Variants in CDH4 observed in about 807,000 individuals in gnomAD.
The protein encoded by CDH4 is cadherin 4, also known as cadherin-4.
Under a neutral mutation model 86.0 loss-of-function variants are expected in CDH4, and 33 were observed. That is an observed-to-expected ratio of 0.38 (90% confidence interval 0.29 to 0.51). CDH4 has a LOEUF of 0.51. Ranked by LOEUF, CDH4 falls within the 20% of genes least tolerant of loss-of-function variation. The pLI, the probability that CDH4 is intolerant of heterozygous loss-of-function variation, is 0.86. For synonymous variants in CDH4, 555 were observed against 549.4 expected, an observed-to-expected ratio of 1.01 and a Z score of -0.14; for missense variants, 1,114 against 1,307.4, an observed-to-expected ratio of 0.85 and a Z score of 2.28.
At chr20:61,884,422 G>A (rs1247839071) in intron 7 of CDH4, among the ~76,000 whole-genome samples, 2 of 152,226 alleles carry the variant, frequency 1.3e-5, no homozygotes, top group Admixed American at 1.3e-4. Flanking sequence ...AGCCAGAAGT[G>A]GTGAGGGAGA....
intron 4 of CDH4, among the ~76,000 whole-genome samples, chr20:61,838,914 T>C (rs1343595858): frequency 6.6e-6 from 1 of 151,696 alleles, no homozygotes; most frequent in Non-Finnish European, 1.5e-5. Context: ...CAAGTCCGCC[T>C]GCCTGGGTCC....
intron 2 of CDH4, among the ~76,000 whole-genome samples, chr20:61,556,348 A>G (rs1366586420): frequency 6.6e-6 from 1 of 152,110 alleles, no homozygotes; most frequent in Non-Finnish European, 1.5e-5. Flanking sequence ...GAAAGAAATC[A>G]TGGAGAGAGA....
At chr20:61,286,327 C>T (rs781709292) in intron 2 of CDH4, among the ~76,000 whole-genome samples, 6 of 152,214 alleles carry the variant, frequency 3.9e-5, no homozygotes, top group Admixed American at 2.0e-4. Flanking sequence ...TTAATGCTGA[C>T]GAGCTGCCTC....
chr20:61,424,074 C>G (rs2085195647), intron 2 of CDH4, among the ~76,000 whole-genome samples: 2 of 152,120 alleles, frequency 1.3e-5, no homozygotes, highest in African/African-American at 4.8e-5. Context: ...CATCCACACA[C>G]AGCACACACG....
chr20:61,634,006 GCTT>G (rs1431683753), intron 2 of CDH4, among the ~76,000 whole-genome samples: 7 of 152,180 alleles, frequency 4.6e-5, no homozygotes, highest in Non-Finnish European at 1.0e-4. Context: ...GGCGGGTTCT[GCTT>G]CTCTCTGCAA....
intron 2 of CDH4, among the ~76,000 whole-genome samples, chr20:61,618,942 G>C (rs970616830): frequency 6.6e-6 from 1 of 152,160 alleles, no homozygotes; most frequent in South Asian, 2.1e-4. Context: ...CCCAGGGCCC[G>C]GGATGTGCCT....
intron 2 of CDH4, among the ~76,000 whole-genome samples, chr20:61,372,974 T>C (rs895515672): frequency 6.6e-6 from 1 of 152,246 alleles, no homozygotes; most frequent in African/African-American, 2.4e-5. Flanking sequence ...TTTCACACGA[T>C]ACTTCAGATT....
intron 2 of CDH4, among the ~76,000 whole-genome samples, chr20:61,288,987 T>A (rs189587536): frequency 1.1e-4 from 17 of 152,328 alleles, no homozygotes; most frequent in Admixed American, 1.1e-3. Context: ...AAAAATGTTT[T>A]TAAGCTAGGA....
In CDH4 at chr20:61,706,532, G is replaced by A. The variant is rs1425721831; in HGVS notation, c.170-37031G>A. On this transcript the variant is annotated intron_variant, in intron 2 of 15. Transcript: ENST00000614565. ...AAAGTTTAGCTACGACGAAGACTCC[G>A]GGGAGGAAGAACGGATGGAAAGGCC... Among the ~76,000 whole-genome samples, 7 of 152,184 alleles carry A rather than the reference G, an allele frequency of 4.6e-5. No individual in the cohort carries two copies. In the East Asian group the frequency reaches 1.2e-3, roughly 25 times the overall value.
intron 2 of CDH4, among the ~76,000 whole-genome samples, chr20:61,319,992 A>G (rs2084499519): frequency 6.6e-6 from 1 of 151,802 alleles, no homozygotes; most frequent in South Asian, 2.1e-4. Flanking sequence ...CTGAAGATCC[A>G]CTGCAGAACA....
At chr20:61,419,146 G>A (rs762724431) in intron 2 of CDH4, among the ~76,000 whole-genome samples, 1 of 152,190 alleles carries the variant, frequency 6.6e-6, no homozygotes, top group Admixed American at 6.5e-5. Flanking sequence ...CGCAGGGTTT[G>A]GTGGGACTGC....
intron 5 of CDH4, among the ~76,000 whole-genome samples, chr20:61,846,512 A>G (rs1404497189): frequency 6.6e-6 from 1 of 152,170 alleles, no homozygotes; most frequent in African/African-American, 2.4e-5. Context: ...ACAGACACAC[A>G]CACACACACA....
chr20:61,571,035 C>G (rs566563418), intron 2 of CDH4, among the ~76,000 whole-genome samples: 1 of 152,252 alleles, frequency 6.6e-6, no homozygotes, highest in South Asian at 2.1e-4. Flanking sequence ...CTAGCTGTTA[C>G]CTGGCTCATC....
chr20:61,771,713 C>T (rs2088778383), intron 3 of CDH4, among the ~76,000 whole-genome samples: 1 of 151,670 alleles, frequency 6.6e-6, no homozygotes, highest in Admixed American at 6.6e-5. Context: ...ATTTTATGGG[C>T]ATTTCTTCAT....
chr20:61,895,163 G>C, intron 8 of CDH4, 116 bp downstream of exon 8: 1 of 1,298,158 alleles, frequency 7.7e-7, no homozygotes, highest in Non-Finnish European at 1.1e-6. Context: ...TTGGCAGATA[G>C]CGTGTAAGAA....
intron 2 of CDH4, among the ~76,000 whole-genome samples, chr20:61,458,393 CATG>C (rs2085422020): frequency 7.3e-6 from 1 of 136,866 alleles, no homozygotes; most frequent in Admixed American, 7.0e-5. Context: ...TGGTGATGGT[CATG>C]ATGGTGATGA....
intron 2 of CDH4, among the ~76,000 whole-genome samples, chr20:61,400,240 C>T (rs2085042247): frequency 6.6e-6 from 1 of 152,182 alleles, no homozygotes; most frequent in Non-Finnish European, 1.5e-5. Context: ...CTGAATGTTT[C>T]GTCTGTCAAA....
chr20:61,666,841 C>T (rs2087330619), intron 2 of CDH4, among the ~76,000 whole-genome samples: 2 of 152,226 alleles, frequency 1.3e-5, no homozygotes, highest in South Asian at 4.1e-4. Context: ...AGGCATGAAT[C>T]CGAAGACAGC....
chr20:61,373,339 G>A (rs183653765), intron 2 of CDH4, among the ~76,000 whole-genome samples: 1 of 152,340 alleles, frequency 6.6e-6, no homozygotes, highest in African/African-American at 2.4e-5. Flanking sequence ...GGGATCCCGA[G>A]CAGGAGGGCT....
Sources: gnomAD v4.1 joint callset for allele counts (sites outside exome capture counted in the v4.1 genomes callset) on GRCh38, gnomAD v4.1.1 for gene constraint, MANE v1.5 for transcripts, NCBI Gene and HGNC (gene_info 2026-07-23, HGNC 2026-07-21) for gene names.